KIAA0825: variants seen among roughly 807,000 people sequenced by gnomAD.
KIAA0825 encodes the protein KIAA0825, also known as uncharacterized protein KIAA0825.
Under a neutral mutation model 147.6 loss-of-function variants are expected in KIAA0825, and 119 were observed. That is an observed-to-expected ratio of 0.81 (90% CI 0.69 to 0.94). The LOEUF (loss-of-function observed/expected upper bound fraction) is 0.94. Ranked by LOEUF, KIAA0825 falls within the 40% of genes least tolerant of loss-of-function variation. KIAA0825 has a pLI of 0.00. For missense variants in KIAA0825, 1,381 were observed against 1,472.7 expected (o/e 0.94, Z 1.02); for synonymous variants, 470 against 518.1 (o/e 0.91, Z 1.26).
intron 1 of KIAA0825, among the ~76,000 whole-genome samples, chr5:94,614,817 G>T (rs1789967349): frequency 6.6e-6 from 1 of 152,096 alleles, no homozygotes; most frequent in Admixed American, 6.5e-5. Context: ...CTAGTAGACT[G>T]TAAGTGAAAA....
rs557242058 is a variant in KIAA0825, at chr5:94,563,794, C to G, written c.-2+18639G>C. 4.7e-4 allele frequency among the ~76,000 whole-genome samples: 71 copies of G among 152,258 alleles called. 1 individual carries two copies. The highest frequency in any genetic ancestry group is 3.4e-3 in the Middle Eastern group (1 of 294). On this transcript the variant is annotated intron_variant, in intron 2 of 20. Transcript: ENST00000682413. ...CCACCTCCCGAGTTCAAGCAATTCT[C>G]CTGCCTCTGCCTCCTGAGTAGCTGG...
intron 20 of KIAA0825, among the ~76,000 whole-genome samples, chr5:94,371,375 T>TA (rs1342599975): frequency 5.3e-5 from 8 of 152,208 alleles, no homozygotes; most frequent in Admixed American, 3.9e-4. Context: ...AGTCCATTCT[T>TA]ACGCTGCTAT....
chr5:94,371,762 T>C (rs1342462124), intron 20 of KIAA0825, among the ~76,000 whole-genome samples: 8 of 152,120 alleles, frequency 5.3e-5, no homozygotes, highest in Non-Finnish European at 1.5e-5. Flanking sequence ...CTCCAAAATC[T>C]CATGTCCTCA....
At chr5:94,180,895 G>A (rs1173652198) in intron 20 of KIAA0825, among the ~76,000 whole-genome samples, 2 of 151,800 alleles carry the variant, frequency 1.3e-5, no homozygotes, top group Non-Finnish European at 2.9e-5. Context: ...AGCATATTTG[G>A]CCAACCATTA....
rs1166825415 is a variant in KIAA0825, at chr5:94,223,084, A to G, written c.3711-68960T>C. ...ATTACAACTTTTTATCCTTGGACCT[A>G]CATCTCCACATTGCCTCCCCAACTA... On this transcript the variant is annotated intron_variant, in intron 20 of 20. Transcript: ENST00000682413. Among the ~76,000 whole-genome samples the G allele has an allele frequency of 2.0e-5, 3 of 152,190 alleles. No individual in the cohort carries two copies. In the East Asian group the frequency reaches 5.8e-4, roughly 29 times the overall value.
chr5:94,365,824 T>G (rs1389633971), intron 20 of KIAA0825, among the ~76,000 whole-genome samples: 1 of 152,234 alleles, frequency 6.6e-6, no homozygotes, highest in Non-Finnish European at 1.5e-5. Flanking sequence ...GATGAGAAAT[T>G]ATGTTTTAGG....
intron 20 of KIAA0825, among the ~76,000 whole-genome samples, chr5:94,242,102 A>G (rs1775374571): frequency 6.6e-6 from 1 of 152,222 alleles, no homozygotes; most frequent in Non-Finnish European, 1.5e-5. Flanking sequence ...TACACTAGAA[A>G]CTAAGTTGAT....
chr5:94,544,541 T>C (rs1411401022), intron 2 of KIAA0825, among the ~76,000 whole-genome samples: 1 of 152,224 alleles, frequency 6.6e-6, no homozygotes, highest in Non-Finnish European at 1.5e-5. Context: ...GTTTATTCAT[T>C]GGTCTGAGCC....
chr5:94,251,462 G>A (rs1775959499), intron 20 of KIAA0825, among the ~76,000 whole-genome samples: 1 of 152,050 alleles, frequency 6.6e-6, no homozygotes, highest in South Asian at 2.1e-4. Context: ...TAAAGGCCAT[G>A]TATGCAAAAG....
intron 16 of KIAA0825, among the ~76,000 whole-genome samples, chr5:94,399,689 T>C (rs1751129125): frequency 6.6e-6 from 1 of 152,108 alleles, no homozygotes. Context: ...TGTCATCCAA[T>C]TTTAGAGCTG....
At chr5:94,602,125 G>T (rs148041105) in intron 1 of KIAA0825, among the ~76,000 whole-genome samples, 1 of 152,050 alleles carries the variant, frequency 6.6e-6, no homozygotes, top group Non-Finnish European at 1.5e-5. Flanking sequence ...CAAGGCAGGC[G>T]GATCATGAGG....
At chr5:94,560,309 T>G (rs1777321870) in intron 2 of KIAA0825, among the ~76,000 whole-genome samples, 1 of 152,206 alleles carries the variant, frequency 6.6e-6, no homozygotes, top group Non-Finnish European at 1.5e-5. Context: ...CAGTAATTAT[T>G]TTCAGCAAAC....
At chr5:94,195,622 T>C (rs1771062209) in intron 20 of KIAA0825, among the ~76,000 whole-genome samples, 1 of 151,892 alleles carries the variant, frequency 6.6e-6, no homozygotes. Context: ...ACTACACAAA[T>C]TCTGATTAGG....
intron 10 of KIAA0825, among the ~76,000 whole-genome samples, 155 bp downstream of exon 10, chr5:94,469,806 T>A (rs923593139): frequency 1.3e-5 from 2 of 152,220 alleles, no homozygotes; most frequent in Non-Finnish European, 2.9e-5. Flanking sequence ...AAAAACACTG[T>A]TTTTCCTAAG....
chr5:94,252,192 T>C (rs759044476), intron 20 of KIAA0825, among the ~76,000 whole-genome samples: 5 of 152,008 alleles, frequency 3.3e-5, no homozygotes, highest in Non-Finnish European at 7.4e-5. Context: ...TGTATAAAAT[T>C]ATCTGCATAA....
chr5:94,537,987 T>C (rs952391751), intron 2 of KIAA0825, among the ~76,000 whole-genome samples: 1 of 152,218 alleles, frequency 6.6e-6, no homozygotes, highest in African/African-American at 2.4e-5. Flanking sequence ...TACTCCTTCT[T>C]GAGGCACATG....
chr5:94,479,021 T>C (rs9314114), intron 6 of KIAA0825, among the ~76,000 whole-genome samples: 13,942 of 152,174 alleles, frequency 0.092, 1,341 homozygotes, highest in African/African-American at 0.24. Flanking sequence ...TCCCTGCCCT[T>C]AGTTTCCTCT....
In KIAA0825 at chr5:94,523,943, A is replaced by C. The variant is rs1768751161; in HGVS notation, c.287T>G (p.Phe96Cys). 4 of 1,594,904 alleles carry C rather than the reference A, an allele frequency of 2.5e-6. No homozygotes were observed. In the South Asian group the frequency reaches 4.5e-5, roughly 18 times the overall value. ...SFISHGDLIK[F>C]FKTLQDLLKN... is the part of the protein sequence containing the mutation. The stretch of plus-strand genomic sequence containing the variant: ...AATTCATTTTACCAGTGTTTTGAAA[A>C]ATTTTATCAAGTCTCCATGAGAAAT... Residue 96 changes from phenylalanine (F) to cysteine (C), a missense_variant, in exon 4 of 21, where the codon TTT becomes TGT. Phe to Cys is a radical substitution (Grantham distance 205). Coordinates refer to ENST00000682413, the MANE Select transcript of KIAA0825 (RefSeq NM_001145678.3).
At chr5:94,545,144 C>T (rs986285506) in intron 2 of KIAA0825, among the ~76,000 whole-genome samples, 3 of 152,004 alleles carry the variant, frequency 2.0e-5, no homozygotes, top group Admixed American at 6.6e-5. Flanking sequence ...TGGCACCCAC[C>T]CATGGAGGGA....
Sources: allele counts gnomAD v4.1 joint callset (sites outside exome capture counted in the v4.1 genomes callset), GRCh38; gene constraint gnomAD v4.1.1; transcripts MANE v1.5; gene names NCBI Gene and HGNC (gene_info 2026-07-23, HGNC 2026-07-21).